LARGE1: variants seen among roughly 807,000 people sequenced by gnomAD.
LARGE1 encodes the protein xylosyl- and glucuronyltransferase LARGE1.
In LARGE1, 43 loss-of-function variants were observed where a neutral mutation model predicts 87.6. That is an observed-to-expected ratio of 0.49 (90% CI 0.38 to 0.63). The LOEUF is 0.63. Ranked by LOEUF, LARGE1 falls within the 30% of genes least tolerant of loss-of-function variation. The pLI is 0.00. For missense variants in LARGE1, 802 were observed against 1,000.2 expected, an observed-to-expected ratio of 0.80 and a Z score of 2.67; for synonymous variants, 434 against 394.6, an observed-to-expected ratio of 1.10 and a Z score of -1.18.
intron 1 of LARGE1, among the ~76,000 whole-genome samples, chr22:33,900,235 A>G (rs1390114139): frequency 6.6e-6 from 1 of 152,236 alleles, no homozygotes; most frequent in East Asian, 1.9e-4. Flanking sequence ...GGAACACAGC[A>G]GTCCTGACGT....
intron 11 of LARGE1, among the ~76,000 whole-genome samples, chr22:33,182,682 A>G (rs1334310370): frequency 6.6e-6 from 1 of 152,246 alleles, no homozygotes; most frequent in Non-Finnish European, 1.5e-5. Flanking sequence ...TATGTTGTCT[A>G]CTAATCTTTG....
At chr22:33,505,016 G>A (rs1335824193) in intron 6 of LARGE1, among the ~76,000 whole-genome samples, 1 of 152,224 alleles carries the variant, frequency 6.6e-6, no homozygotes, top group Non-Finnish European at 1.5e-5. Context: ...ATGGCCAGGG[G>A]CATCAGGTAT....
At chr22:33,479,439 C>T (rs117140814) in intron 6 of LARGE1, among the ~76,000 whole-genome samples, 1 of 152,170 alleles carries the variant, frequency 6.6e-6, no homozygotes, top group Non-Finnish European at 1.5e-5. Context: ...AAGATCTGGT[C>T]TCAATTCCAT....
In LARGE1 at chr22:33,834,336, C is replaced by T. The variant is rs143388323; in HGVS notation, c.-82-72778G>A. ...GCCATCATATCCCCTGTGACCTGCA[C>T]GTATACATCCAAATGGCCTGAAGTA... On this transcript the variant is annotated intron_variant, in intron 1 of 14. Coordinates refer to ENST00000397394, the MANE Select transcript of LARGE1 (RefSeq NM_133642.5). Among the ~76,000 whole-genome samples the T allele has an allele frequency of 1.4e-3, 206 of 152,260 alleles. 1 individual carries two copies. Among genetic ancestry groups the T allele is most frequent in the Non-Finnish European group, 1.8e-3 (124 of 68,026 alleles).
intron 2 of LARGE1, among the ~76,000 whole-genome samples, chr22:33,685,243 T>A (rs940880534): frequency 6.6e-6 from 1 of 152,256 alleles, no homozygotes; most frequent in South Asian, 2.1e-4. Flanking sequence ...CCAGGGGGTA[T>A]TAATATACAA....
At chr22:33,536,931 C>T (rs775245094) in intron 6 of LARGE1, among the ~76,000 whole-genome samples, 13 of 152,254 alleles carry the variant, frequency 8.5e-5, no homozygotes, top group East Asian at 1.9e-4. Context: ...CCTGCCTCAG[C>T]CTCCTGAGTA....
chr22:33,097,951 T>G, the LARGE1 span, among the ~76,000 whole-genome samples: 1 of 152,314 alleles, frequency 6.6e-6, no homozygotes, highest in Admixed American at 6.5e-5. Flanking sequence ...TTTTTCTATC[T>G]CATACACTTA....
At chr22:33,293,987 C>A (rs1932916755) in intron 12 of LARGE1, among the ~76,000 whole-genome samples, 1 of 152,232 alleles carries the variant, frequency 6.6e-6, no homozygotes, top group Non-Finnish European at 1.5e-5. Context: ...CTCCTACTAG[C>A]CTTATTTCAA....
chr22:33,171,333 C>T (rs1360881150), intron 11 of LARGE1, among the ~76,000 whole-genome samples: 1 of 152,200 alleles, frequency 6.6e-6, no homozygotes, highest in Non-Finnish European at 1.5e-5. Flanking sequence ...GACAAAAACC[C>T]ATTTTCTGTG....
At chr22:33,709,761 G>T (rs2082673173) in intron 2 of LARGE1, among the ~76,000 whole-genome samples, 1 of 151,812 alleles carries the variant, frequency 6.6e-6, no homozygotes, top group Non-Finnish European at 1.5e-5. Context: ...GAGTAGCTGG[G>T]ATTACAGGCA....
chr22:33,314,314 A>T (rs1569044772), intron 11 of LARGE1, among the ~76,000 whole-genome samples: 1 of 152,144 alleles, frequency 6.6e-6, no homozygotes, highest in Non-Finnish European at 1.5e-5. Flanking sequence ...CCGGCCCCTG[A>T]AGCCATTGAA....
chr22:33,757,989 T>C (rs2084583246), intron 2 of LARGE1, among the ~76,000 whole-genome samples: 1 of 152,166 alleles, frequency 6.6e-6, no homozygotes, highest in African/African-American at 2.4e-5. Flanking sequence ...CGTAACTGCC[T>C]GTCTCGCTCA....
intron 11 of LARGE1, among the ~76,000 whole-genome samples, chr22:33,176,349 T>A (rs1602048377): frequency 6.6e-6 from 1 of 151,994 alleles, no homozygotes; most frequent in Non-Finnish European, 1.5e-5. Context: ...AAAGAAACTA[T>A]CACCAGAGTG....
At chr22:33,324,295 A>ACC (rs34198548) in intron 10 of LARGE1, among the ~76,000 whole-genome samples, 309 of 104,218 alleles carry the variant, frequency 3.0e-3, no homozygotes, top group Non-Finnish European at 4.4e-3. Context: ...AAAACAAACA[A>ACC]CCCCCCCCCC....
At chr22:33,874,382 G>A (rs770789353) in intron 1 of LARGE1, among the ~76,000 whole-genome samples, 7 of 152,086 alleles carry the variant, frequency 4.6e-5, no homozygotes, top group Non-Finnish European at 8.8e-5. Flanking sequence ...CACATCAGCC[G>A]CCGCTTTGAT....
intron 11 of LARGE1, among the ~76,000 whole-genome samples, chr22:33,227,644 C>T (rs1925804945): frequency 6.6e-6 from 1 of 152,180 alleles, no homozygotes; most frequent in Non-Finnish European, 1.5e-5. Context: ...TACCAAAGAT[C>T]ATTTTAAAAT....
intron 6 of LARGE1, among the ~76,000 whole-genome samples, chr22:33,463,038 G>T (rs1239540580): frequency 6.6e-6 from 1 of 152,036 alleles, no homozygotes; most frequent in East Asian, 1.9e-4. Flanking sequence ...AAATTAGAAT[G>T]AGAAATAAAA....
intron 6 of LARGE1, among the ~76,000 whole-genome samples, chr22:33,442,522 C>G (rs906723390): frequency 6.6e-6 from 1 of 152,100 alleles, no homozygotes; most frequent in African/African-American, 2.4e-5. Context: ...TGGTCACCTA[C>G]CAGGCATGCT....
At chr22:33,532,054 T>G (rs528590907) in intron 6 of LARGE1, among the ~76,000 whole-genome samples, 1 of 152,358 alleles carries the variant, frequency 6.6e-6, no homozygotes, top group South Asian at 2.1e-4. Flanking sequence ...GGTGCACCAC[T>G]CTGATGTGCC....
Sources: gnomAD v4.1 joint callset for allele counts (sites outside exome capture counted in the v4.1 genomes callset) on GRCh38, gnomAD v4.1.1 for gene constraint, MANE v1.5 for transcripts, NCBI Gene and HGNC (gene_info 2026-07-23, HGNC 2026-07-21) for gene names.